Variants in GALNT17 observed in about 807,000 individuals in gnomAD.
The protein encoded by GALNT17 is polypeptide N-acetylgalactosaminyltransferase 17.
GALNT17 carries 29 observed loss-of-function variants against 63.7 expected under a neutral mutation model. The observed-to-expected ratio is 0.46, with a 90% CI of 0.34 to 0.62. GALNT17 has a LOEUF of 0.62. GALNT17 is among the 20% of genes least tolerant of loss of function. The probability of loss-of-function intolerance (pLI) is 0.01; values close to 1 mark genes in which losing one functional copy is unlikely to be tolerated. For missense variants in GALNT17, 603 were observed against 799.6 expected (o/e 0.75, Z 2.97); for synonymous variants, 305 against 318.3 (o/e 0.96, Z 0.45).
At chr7:71,435,748 A>G (rs188106908) in intron 5 of GALNT17, among the ~76,000 whole-genome samples, 1 of 152,186 alleles carries the variant, frequency 6.6e-6, no homozygotes, top group East Asian at 1.9e-4. Flanking sequence ...AGCCAGGCGC[A>G]ATGGCTCACG....
At chr7:71,435,491 A>G (rs1786942230) in intron 5 of GALNT17, among the ~76,000 whole-genome samples, 1 of 151,962 alleles carries the variant, frequency 6.6e-6, no homozygotes, top group African/African-American at 2.4e-5. Context: ...CAAGCTTCTG[A>G]CCCTCCCTAA....
intron 2 of GALNT17, among the ~76,000 whole-genome samples, chr7:71,374,754 A>C (rs574834560): frequency 1.4e-4 from 21 of 151,770 alleles, no homozygotes; most frequent in Non-Finnish European, 2.2e-4. Flanking sequence ...AGATAAGACC[A>C]GGTTAGGACT....
At position 71,679,693 on chromosome 7, in the gene GALNT17, G is replaced by A. The variant is rs1289841148; in HGVS notation, c.1500+2387G>A. On this transcript the variant is annotated intron_variant, in intron 9 of 10. Transcript: ENST00000333538. ...CTGAGAGAGAAGGCAGCAGAGAGGT[G>A]GAGAGCAGATGGTGAGAGACCTAAG... is the stretch of plus-strand genomic sequence containing the variant. Among the ~76,000 whole-genome samples, 3 of 152,060 alleles carry A rather than the reference G, an allele frequency of 2.0e-5. No homozygotes were observed. The East Asian group carries it at 5.9e-4, about 30-fold the overall frequency.
chr7:71,546,048 C>T (rs1435972640), intron 5 of GALNT17, among the ~76,000 whole-genome samples: 1 of 152,012 alleles, frequency 6.6e-6, no homozygotes, highest in African/African-American at 2.4e-5. Flanking sequence ...TTGCTTGAGC[C>T]CAGGAGTTTA....
chr7:71,351,640 A>T (rs1469792154), intron 2 of GALNT17, among the ~76,000 whole-genome samples: 1 of 152,084 alleles, frequency 6.6e-6, no homozygotes, highest in African/African-American at 2.4e-5. Flanking sequence ...ATTGCCAGCA[A>T]TCTCCAAAAA....
At chr7:71,366,578 T>TCAAACAAA (rs141197671) in intron 2 of GALNT17, among the ~76,000 whole-genome samples, 7 of 151,832 alleles carry the variant, frequency 4.6e-5, no homozygotes, top group South Asian at 4.2e-4. Flanking sequence ...AGACTCTGTC[T>TCAAACAAA]CAAACAAACA....
intron 5 of GALNT17, among the ~76,000 whole-genome samples, chr7:71,471,419 A>AAC (rs375776370): frequency 0.013 from 1,883 of 145,430 alleles, 34 homozygotes; most frequent in African/African-American, 0.042. Context: ...AAAAAACAAA[A>AAC]AAAACCAAAA....
intron 6 of GALNT17, among the ~76,000 whole-genome samples, chr7:71,614,961 A>G (rs560673087): frequency 6.6e-6 from 1 of 152,172 alleles, no homozygotes; most frequent in South Asian, 2.1e-4. Flanking sequence ...CACTTCGAAT[A>G]AGGGATACTC....
intron 6 of GALNT17, among the ~76,000 whole-genome samples, chr7:71,597,808 T>A (rs1363078376): frequency 6.6e-6 from 1 of 152,210 alleles, no homozygotes; most frequent in Non-Finnish European, 1.5e-5. Context: ...ATTACCTTGC[T>A]TGTCAATGTG....
intron 5 of GALNT17, among the ~76,000 whole-genome samples, chr7:71,564,734 A>G (rs1262968502): frequency 6.6e-6 from 1 of 152,154 alleles, no homozygotes; most frequent in Non-Finnish European, 1.5e-5. Flanking sequence ...GGTTTCCCAC[A>G]GCCTCCTGGG....
intron 1 of GALNT17, among the ~76,000 whole-genome samples, chr7:71,316,832 C>A (rs1020178373): frequency 7.2e-5 from 11 of 152,184 alleles, no homozygotes; most frequent in African/African-American, 2.7e-4. Context: ...AATGTTGGGG[C>A]CTCTTAGGAT....
At chr7:71,503,203 C>T (rs996329106) in intron 5 of GALNT17, among the ~76,000 whole-genome samples, 2 of 152,188 alleles carry the variant, frequency 1.3e-5, no homozygotes, top group Non-Finnish European at 2.9e-5. Context: ...ATTCCCTACA[C>T]GATCACATGT....
chr7:71,620,734 G>T (rs762167804), intron 6 of GALNT17, among the ~76,000 whole-genome samples: 11 of 152,120 alleles, frequency 7.2e-5, no homozygotes, highest in Admixed American at 1.3e-4. Context: ...TTTTCTTTAT[G>T]CACCAAACCT....
chr7:71,331,616 CAGG>C (rs1791809475), intron 1 of GALNT17, among the ~76,000 whole-genome samples: 1 of 152,028 alleles, frequency 6.6e-6, no homozygotes. Context: ...GAGGCCGAGG[CAGG>C]AGGATTGCTT....
intron 1 of GALNT17, among the ~76,000 whole-genome samples, chr7:71,196,712 C>T (rs1429315127): frequency 6.6e-6 from 1 of 152,060 alleles, no homozygotes; most frequent in Non-Finnish European, 1.5e-5. Context: ...GATCTTGGTT[C>T]AAGTGATCTT....
intron 9 of GALNT17, among the ~76,000 whole-genome samples, chr7:71,684,008 CAAA>C (rs5741642): frequency 4.1e-5 from 5 of 121,422 alleles, no homozygotes; most frequent in African/African-American, 6.2e-5. Flanking sequence ...CACTCTGTCT[CAAA>C]AAAAAAAAAA....
At position 71,337,307 on chromosome 7, in the gene GALNT17, T is replaced by C. The variant is rs576057386; in HGVS notation, c.422+1574T>C. Among the ~76,000 whole-genome samples, 6 of 152,324 alleles carry C rather than the reference T, an allele frequency of 3.9e-5. No homozygotes were observed. The East Asian group carries it at 1.2e-3, about 29-fold the overall frequency. ...TTTCATTATTATATATAACATTCTA[T>C]TGAATATTTTTTCACTCATATCTTT... On this transcript the variant is annotated intron_variant, in intron 2 of 10. Coordinates refer to ENST00000333538, the MANE Select transcript of GALNT17 (RefSeq NM_022479.3).
At chr7:71,527,081 T>C (rs893007346) in intron 5 of GALNT17, among the ~76,000 whole-genome samples, 4 of 152,238 alleles carry the variant, frequency 2.6e-5, no homozygotes, top group Non-Finnish European at 5.9e-5. Flanking sequence ...TTTTTGTGTC[T>C]GGTCTGTATT....
At chr7:71,577,515 A>T (rs1789558430) in intron 6 of GALNT17, among the ~76,000 whole-genome samples, 3 of 150,808 alleles carry the variant, frequency 2.0e-5, no homozygotes, top group Admixed American at 6.6e-5. Context: ...CAAGTGAGAT[A>T]ACCTTCTTGC....
Sources: allele counts gnomAD v4.1 joint callset (sites outside exome capture counted in the v4.1 genomes callset), GRCh38; gene constraint gnomAD v4.1.1; transcripts MANE v1.5; gene names NCBI Gene and HGNC (gene_info 2026-07-23, HGNC 2026-07-21).